SNX29: variants seen among roughly 807,000 people sequenced by gnomAD.
SNX29 encodes sorting nexin-29.
SNX29 carries 78 observed loss-of-function variants against 102.1 expected under a neutral mutation model. That is an observed-to-expected ratio of 0.76 (90% CI 0.64 to 0.92). SNX29 has a LOEUF of 0.92. SNX29 is among the 40% of genes least tolerant of loss of function. The pLI is 0.00. For missense variants in SNX29, 1,280 were observed against 1,061.7 expected (o/e 1.21, Z -2.86); for synonymous variants, 580 against 414.5 (o/e 1.40, Z -4.85).
chr16:11,992,618 A>C (rs2055897436), intron 1 of SNX29, among the ~76,000 whole-genome samples: 1 of 152,124 alleles, frequency 6.6e-6, no homozygotes, highest in Admixed American at 6.5e-5. Context: ...CCAGGATGAC[A>C]GTGTGGTGTG....
chr16:12,376,842 C>T (rs1412772572), intron 16 of SNX29, among the ~76,000 whole-genome samples: 1 of 151,586 alleles, frequency 6.6e-6, no homozygotes, highest in Non-Finnish European at 1.5e-5. Flanking sequence ...CTTCTCTTTC[C>T]TCTGTCTCTT....
chr16:12,176,798 T>C (rs1232921135), intron 13 of SNX29, among the ~76,000 whole-genome samples: 5 of 152,208 alleles, frequency 3.3e-5, no homozygotes, highest in Admixed American at 6.5e-5. Flanking sequence ...ATCTGAGTGT[T>C]GCTATCAAAT....
chr16:12,112,514 G>T (rs374202671), intron 11 of SNX29, among the ~76,000 whole-genome samples: 1 of 152,178 alleles, frequency 6.6e-6, no homozygotes, highest in African/African-American at 2.4e-5. Context: ...TGAGGGAAAC[G>T]CAGAAGGCAT....
chr16:12,473,074 G>A (rs1324885912), intron 18 of SNX29, among the ~76,000 whole-genome samples: 1 of 151,988 alleles, frequency 6.6e-6, no homozygotes, highest in Non-Finnish European at 1.5e-5. Context: ...GGAGCTGATC[G>A]AACTTAATTT....
intron 13 of SNX29, among the ~76,000 whole-genome samples, chr16:12,140,150 CAG>C (rs1192522359): frequency 2.6e-5 from 4 of 152,168 alleles, no homozygotes; most frequent in African/African-American, 4.8e-5. Flanking sequence ...TCAAAGCTCT[CAG>C]GGGGTATCAC....
intron 20 of SNX29, among the ~76,000 whole-genome samples, chr16:12,544,535 G>A (rs998020393): frequency 1.3e-5 from 2 of 152,180 alleles, no homozygotes; most frequent in Admixed American, 6.5e-5. Flanking sequence ...GTGTGGCCTA[G>A]GAACATTCTC....
chr16:12,225,647 C>G (rs987858656), intron 14 of SNX29, among the ~76,000 whole-genome samples: 3 of 152,150 alleles, frequency 2.0e-5, no homozygotes, highest in Non-Finnish European at 4.4e-5. Flanking sequence ...CGGACTAATA[C>G]AGCATCCAGG....
chr16:12,182,492 C>T (rs544103267), intron 13 of SNX29, among the ~76,000 whole-genome samples: 1 of 152,128 alleles, frequency 6.6e-6, no homozygotes, highest in Non-Finnish European at 1.5e-5. Context: ...AGCTTCCCAG[C>T]CACTGTGCTG....
At chr16:12,268,142 T>C (rs1314349799) in intron 14 of SNX29, among the ~76,000 whole-genome samples, 1 of 152,202 alleles carries the variant, frequency 6.6e-6, no homozygotes, top group Non-Finnish European at 1.5e-5. Context: ...AACTAGCACT[T>C]GCAACCATCA....
chr16:12,255,010 CA>C (rs1378567041), intron 14 of SNX29, among the ~76,000 whole-genome samples: 1 of 152,172 alleles, frequency 6.6e-6, no homozygotes, highest in Non-Finnish European at 1.5e-5. Context: ...TTCTTCCCAT[CA>C]GCTGTATTGA....
At chr16:12,315,392 A>C (rs1377207477) in intron 15 of SNX29, among the ~76,000 whole-genome samples, 1 of 152,184 alleles carries the variant, frequency 6.6e-6, no homozygotes, top group East Asian at 1.9e-4. Flanking sequence ...CTGTCATTCC[A>C]GGAAAGCAGC....
intron 14 of SNX29, among the ~76,000 whole-genome samples, chr16:12,275,334 A>G (rs924946117): frequency 5.9e-5 from 9 of 152,246 alleles, no homozygotes; most frequent in African/African-American, 2.2e-4. Context: ...TCAGAAGTTC[A>G]GTGTGTGTTA....
chr16:12,267,602 C>A lies in SNX29; in HGVS notation c.1679-10331C>A, dbSNP rs538268927. Among the ~76,000 whole-genome samples, 3 of 152,314 alleles carry A rather than the reference C, an allele frequency of 2.0e-5. No homozygotes were observed. The South Asian group carries it at 6.2e-4, about 32-fold the overall frequency. On this transcript the variant is annotated intron_variant, in intron 14 of 20. Coordinates refer to ENST00000566228, the MANE Select transcript of SNX29 (RefSeq NM_032167.5). ...GCAGGGCACTGGAACCTCCCTCATC[C>A]TGCAGGAGCAGCCATGTGTGCTCAG...
intron 20 of SNX29, among the ~76,000 whole-genome samples, chr16:12,541,971 ACTTGG>A (rs1486578449): frequency 6.6e-6 from 1 of 152,064 alleles, no homozygotes; most frequent in Non-Finnish European, 1.5e-5. Flanking sequence ...CACTTCAGAG[ACTTGG>A]CTTGTCTTAT....
intron 1 of SNX29, among the ~76,000 whole-genome samples, chr16:11,981,288 G>A (rs2150959594): frequency 1.3e-5 from 2 of 152,102 alleles, no homozygotes; most frequent in Middle Eastern, 3.4e-3. Flanking sequence ...TATTATTAGT[G>A]TTGATGGGGT....
chr16:12,480,036 T>G (rs1353944343), intron 19 of SNX29, among the ~76,000 whole-genome samples: 4 of 152,200 alleles, frequency 2.6e-5, no homozygotes, highest in African/African-American at 7.2e-5. Context: ...CATGGACAAA[T>G]GGATACAAAC....
Position 12,408,161 on chromosome 16 carries a change from A to C in SNX29, c.2037+4632A>C, listed in dbSNP as rs549657473. Reference sequence around the variant, plus strand: ...GTGGCAGAGCAGGACCCTTCTCAAAAAAACAAACAAACAAACAAAAAAAAA... The same window carrying C: ...GTGGCAGAGCAGGACCCTTCTCAAACAAACAAACAAACAAACAAAAAAAAA... On this transcript the variant is annotated intron_variant, in intron 18 of 20. Transcript: ENST00000566228. Among the ~76,000 whole-genome samples, 169 of 151,118 alleles carry C rather than the reference A, an allele frequency of 1.1e-3. 1 individual carries two copies. Among genetic ancestry groups the C allele is most frequent in the Non-Finnish European group, 1.8e-3 (121 of 67,966 alleles).
chr16:12,134,862 T>C (rs1289377294), intron 13 of SNX29, among the ~76,000 whole-genome samples: 1 of 152,180 alleles, frequency 6.6e-6, no homozygotes, highest in East Asian at 1.9e-4. Flanking sequence ...TGTATATCTC[T>C]AGAAAGGGGT....
chr16:12,068,092 T>C (rs1417342381), intron 9 of SNX29, among the ~76,000 whole-genome samples: 1 of 152,160 alleles, frequency 6.6e-6, no homozygotes, highest in Admixed American at 6.6e-5. Context: ...AGGAGCAGTT[T>C]TGTCTTAACA....
Sources: gnomAD v4.1 joint callset for allele counts (sites outside exome capture counted in the v4.1 genomes callset) on GRCh38, gnomAD v4.1.1 for gene constraint, MANE v1.5 for transcripts, NCBI Gene and HGNC (gene_info 2026-07-23, HGNC 2026-07-21) for gene names.